MDFI: variants seen among roughly 807,000 people sequenced by gnomAD.
MDFI encodes MyoD family inhibitor, also known as inhibitor of MyoD family a.
MDFI carries 16 observed loss-of-function variants against 22.3 expected under a neutral mutation model. That is an observed-to-expected ratio of 0.72 (90% CI 0.49 to 1.09). The LOEUF is 1.09. Ranked by LOEUF, MDFI falls within the 50% of genes least tolerant of loss-of-function variation. The pLI is 0.00. For synonymous variants in MDFI, 145 were observed against 142.7 expected, an observed-to-expected ratio of 1.02 and a Z score of -0.12; for missense variants, 314 against 326.1, an observed-to-expected ratio of 0.96 and a Z score of 0.29.
At position 41,653,684 on chromosome 6, in the gene MDFI, C is replaced by T; in HGVS notation, c.*109C>T. On this transcript the variant is annotated 3_prime_UTR_variant, in exon 5 of 5. Coordinates refer to ENST00000230321, the MANE Select transcript of MDFI (RefSeq NM_005586.4). The surrounding 1 kb of genome is among the most constrained non-coding windows in gnomAD (Gnocchi z 4.2). ...ACACAAGGCTTGAGAAGCCCCCTCT[C>T]CCTGGTCCTCTCCTACCCACCCATG... is the stretch of plus-strand genomic sequence containing the variant. The T allele has an allele frequency of 1.4e-6, 2 of 1,397,248 alleles. No homozygotes were observed. The highest frequency in any genetic ancestry group is 1.3e-5 in the South Asian group (1 of 76,406). The allele number at this position is 1,397,248 out of a possible 1,614,324, so 86.6% of individuals were successfully genotyped here. A position where few individuals can be genotyped will look rare whatever the true frequency, so the allele number is the denominator to read the frequency against.
At chr6:41,650,065 C>T (rs1768212358) in intron 4 of MDFI, 2 of 542,160 alleles carry the variant, frequency 3.7e-6, no homozygotes, top group African/African-American at 1.9e-5. Context: ...AAAGTACACC[C>T]GTTGGGTAAA....
At chr6:41,645,191 T>C (rs1352459945) in intron 2 of MDFI, among the ~76,000 whole-genome samples, 3 of 152,028 alleles carry the variant, frequency 2.0e-5, no homozygotes, top group Non-Finnish European at 4.4e-5. Context: ...ACCCTTTCAT[T>C]GCCACAGCCT....
In MDFI at chr6:41,653,722, C is replaced by T. The variant is rs1768374418; in HGVS notation, c.*147C>T. On this transcript the variant is annotated 3_prime_UTR_variant, in exon 5 of 5. Coordinates refer to ENST00000230321, the MANE Select transcript of MDFI (RefSeq NM_005586.4). The surrounding 1 kb of genome is among the most constrained non-coding windows in gnomAD (Gnocchi z 4.2). Reference sequence around the variant, plus strand: ...CTACCCACCCATGTCCTCTCAGAACCCCAGCCTTGAAAATAGTGGGGGGCA... The same window carrying T: ...CTACCCACCCATGTCCTCTCAGAACTCCAGCCTTGAAAATAGTGGGGGGCA... 1.9e-6 allele frequency: 2 copies of T among 1,054,416 alleles called. No homozygotes were observed. Among genetic ancestry groups the T allele is most frequent in the African/African-American group, 1.6e-5 (1 of 62,742 alleles). The allele number at this position is 1,054,416 out of a possible 1,614,324, so 65.3% of individuals were successfully genotyped here. A position where few individuals can be genotyped will look rare whatever the true frequency, so the allele number is the denominator to read the frequency against.
At chr6:41,641,304 T>C (rs1032009848) in intron 2 of MDFI, among the ~76,000 whole-genome samples, 34 of 152,128 alleles carry the variant, frequency 2.2e-4, no homozygotes, top group African/African-American at 8.2e-4. Flanking sequence ...TAGCAAATTG[T>C]AATTAACAAG....
intron 4 of MDFI, among the ~76,000 whole-genome samples, chr6:41,650,966 T>A (rs1317171218): frequency 6.6e-6 from 1 of 151,812 alleles, no homozygotes; most frequent in African/African-American, 2.4e-5. Context: ...CCCTTTGGGA[T>A]CCACCGAGGC....
chr6:41,653,561 T>C lies in MDFI; in HGVS notation c.727T>C (p.Cys243Arg). The stretch of plus-strand genomic sequence containing the variant: ...GATCTGCATGGAGTGCTGTGGGCTC[T>C]GCTTCTCCTCCTGAGCCTCTGTCGG... ...LEICMECCGL[C>R]FSS The change falls in exon 5 of 5, where the codon TGC becomes CGC. Residue 243 changes from cysteine (C) to arginine (R), a missense_variant. Coordinates refer to ENST00000230321, the MANE Select transcript of MDFI (RefSeq NM_005586.4). This position sits in a 1 kb window ranked among gnomAD's most constrained non-coding sequence, Gnocchi z 4.2. The C allele has an allele frequency of 6.2e-7, 1 of 1,600,484 alleles. No homozygotes were observed. Among genetic ancestry groups the C allele is most frequent in the East Asian group, 2.2e-5 (1 of 44,876 alleles).
rs774905280 is a variant in MDFI at position 41,653,378 on chromosome 6, A to G, written c.544A>G (p.Ile182Val). 4.3e-6 allele frequency: 7 copies of G among 1,611,996 alleles called. No homozygotes were observed. Among genetic ancestry groups the G allele is most frequent in the South Asian group, 1.1e-5 (1 of 91,066 alleles). Residue 182 changes from isoleucine to valine, a missense_variant, in exon 5 of 5, where the codon ATC (isoleucine) becomes GTC (valine). Transcript: ENST00000230321. This position sits in a 1 kb window ranked among gnomAD's most constrained non-coding sequence, Gnocchi z 4.2. ...LFCEFLTLCN[I>V]VLDCATCGSC... ...CTGCGAGTTCCTGACGCTGTGCAAC[A>G]TCGTCCTGGACTGCGCCACCTGTGG...
At chr6:41,648,042 CAAAAAAAAAAA>C (rs3050046) in intron 3 of MDFI, among the ~76,000 whole-genome samples, 3 of 65,548 alleles carry the variant, frequency 4.6e-5, no homozygotes, top group African/African-American at 6.4e-5. Context: ...GACTCCGTCT[CAAAAAAAAAAA>C]AAAAAAAAAA....
chr6:41,638,967 T>C lies in MDFI; in HGVS notation c.76+142T>C. 2.0e-6 allele frequency: 2 copies of C among 1,009,126 alleles called. No individual in the cohort carries two copies. The highest frequency in any genetic ancestry group is 2.8e-6 in the Non-Finnish European group (2 of 709,604). The allele number at this position is 1,009,126 out of a possible 1,614,324, so 62.5% of individuals were successfully genotyped here. A position where few individuals can be genotyped will look rare whatever the true frequency, so the allele number is the denominator to read the frequency against. ...GGGGGTAGGGACGAAAAGTCTGGGT[T>C]TGAGGACTTGGTCCAAGGAGAGTAG... On this transcript the variant is annotated intron_variant, in intron 2 of 4. Coordinates refer to ENST00000230321, the MANE Select transcript of MDFI (RefSeq NM_005586.4). This position sits in a 1 kb window ranked among gnomAD's most constrained non-coding sequence, Gnocchi z 7.6.
At chr6:41,639,265 G>A in intron 2 of MDFI, 1 of 985,298 alleles carries the variant, frequency 1.0e-6, no homozygotes, top group Non-Finnish European at 1.2e-6. Flanking sequence ...AGCGCTTCCC[G>A]AAAACTTTTG....
intron 2 of MDFI, among the ~76,000 whole-genome samples, chr6:41,644,205 C>T (rs1248011559): frequency 2.6e-5 from 4 of 152,180 alleles, no homozygotes; most frequent in Non-Finnish European, 5.9e-5. Context: ...TTTGATTTCC[C>T]AATGATTAAC....
chr6:41,652,089 G>T (rs898183306), intron 4 of MDFI, among the ~76,000 whole-genome samples: 6 of 152,246 alleles, frequency 3.9e-5, no homozygotes, highest in African/African-American at 1.4e-4. Context: ...AGGCAGTCAG[G>T]TAGGGCCGGG....
chr6:41,646,518 TGG>T (rs1445698557), intron 3 of MDFI, among the ~76,000 whole-genome samples: 5 of 152,058 alleles, frequency 3.3e-5, no homozygotes, highest in African/African-American at 1.2e-4. Flanking sequence ...GCAGGGAGTG[TGG>T]GCAGGCTCCA....
intron 3 of MDFI, among the ~76,000 whole-genome samples, chr6:41,648,042 CAAAAAAAAAAAA>C (rs3050046): frequency 6.6e-4 from 43 of 65,560 alleles, no homozygotes; most frequent in African/African-American, 2.8e-3. Context: ...GACTCCGTCT[CAAAAAAAAAAAA>C]AAAAAAAAAA....
rs913674301 is a variant in MDFI, at chr6:41,639,499, C to G, written c.76+674C>G. On this transcript the variant is annotated intron_variant, in intron 2 of 4. Coordinates refer to ENST00000230321, the MANE Select transcript of MDFI (RefSeq NM_005586.4). The stretch of plus-strand genomic sequence containing the variant: ...CTGGGGGAGCCTCTCACGCCAAGTA[C>G]GGTTTGTGACTCCCTGAAGGGGTTT... 5 of 985,292 alleles carry G rather than the reference C, an allele frequency of 5.1e-6. No homozygotes were observed. In the African/African-American group the frequency reaches 8.7e-5, roughly 17 times the overall value. 61.0% of individuals were successfully genotyped at this position (985,292 alleles called of 1,614,324 possible).
At chr6:41,651,266 A>G (rs1222129364) in intron 4 of MDFI, among the ~76,000 whole-genome samples, 1 of 149,602 alleles carries the variant, frequency 6.7e-6, no homozygotes, top group Non-Finnish European at 1.5e-5. Context: ...TGAGAGACGT[A>G]GATAGGTAAT....
At chr6:41,639,990 C>A in intron 2 of MDFI, 1 of 917,934 alleles carries the variant, frequency 1.1e-6, no homozygotes, top group Non-Finnish European at 1.3e-6. Flanking sequence ...AGATGTCTGG[C>A]CAACAGCCAG....
chr6:41,650,874 C>T (rs543384547), intron 4 of MDFI, among the ~76,000 whole-genome samples: 1 of 152,180 alleles, frequency 6.6e-6, no homozygotes, highest in Admixed American at 6.5e-5. Context: ...AAGCCCAGTC[C>T]CAACAGTCTT....
At chr6:41,649,100 C>G (rs1189178539) in intron 3 of MDFI, among the ~76,000 whole-genome samples, 2 of 152,192 alleles carry the variant, frequency 1.3e-5, no homozygotes, top group Non-Finnish European at 2.9e-5. Flanking sequence ...AGTGAGGAGC[C>G]CCTGGATTCC....
Sources: allele counts gnomAD v4.1 joint callset (sites outside exome capture counted in the v4.1 genomes callset), GRCh38; gene constraint gnomAD v4.1.1; non-coding constraint Gnocchi (gnomAD v3.1); transcripts MANE v1.5; gene names NCBI Gene and HGNC (gene_info 2026-07-23, HGNC 2026-07-21).